The following STXBP5L variants were observed in gnomAD, a reference collection of about 807,000 sequenced individuals.
STXBP5L encodes syntaxin binding protein 5L.
In STXBP5L, 65 loss-of-function variants were observed where a neutral mutation model predicts 144.5. The observed-to-expected ratio is 0.45, with a 90% CI of 0.37 to 0.55. The LOEUF is 0.55. Among genes scored for constraint, STXBP5L ranks in the 20% least tolerant of loss-of-function variants. The pLI, the probability that STXBP5L is intolerant of heterozygous loss-of-function variation, is 0.00. For synonymous variants in STXBP5L, 505 were observed against 469.6 expected, an observed-to-expected ratio of 1.08 and a Z score of -0.97; for missense variants, 1,298 against 1,405.5, an observed-to-expected ratio of 0.92 and a Z score of 1.22.
At chr3:120,932,474 T>C (rs1709997211) in intron 2 of STXBP5L, among the ~76,000 whole-genome samples, 1 of 152,146 alleles carries the variant, frequency 6.6e-6, no homozygotes, top group African/African-American at 2.4e-5. Context: ...ACCCAGCAAA[T>C]CGCTTTAGTA....
At chr3:121,063,576 T>C (rs997709897) in intron 5 of STXBP5L, among the ~76,000 whole-genome samples, 4 of 152,216 alleles carry the variant, frequency 2.6e-5, no homozygotes, top group African/African-American at 9.6e-5. Flanking sequence ...TTAAGTCTGC[T>C]GAAGCTGCGC....
chr3:121,344,492 A>G (rs997453217), intron 20 of STXBP5L, among the ~76,000 whole-genome samples: 1 of 152,092 alleles, frequency 6.6e-6, no homozygotes, highest in Non-Finnish European at 1.5e-5. Flanking sequence ...TTCAGCCAAC[A>G]AAAAGATACA....
At chr3:121,210,078 C>T (rs2048497351) in intron 10 of STXBP5L, among the ~76,000 whole-genome samples, 1 of 152,144 alleles carries the variant, frequency 6.6e-6, no homozygotes, top group African/African-American at 2.4e-5. Context: ...TATTTCTCCA[C>T]ATCCTCTCCA....
At position 121,038,154 on chromosome 3, in the gene STXBP5L, T is replaced by C. The variant is rs188675339; in HGVS notation, c.288-3546T>C. Among the ~76,000 whole-genome samples, 334 of 152,026 alleles carry C rather than the reference T, an allele frequency of 2.2e-3. 2 individuals are homozygous for C. Among genetic ancestry groups the C allele is most frequent in the Middle Eastern group, 0.01 (3 of 294 alleles). ...TCTATTTTATTGATTTATCTGATCA[T>C]CTTTATTATTGTTCTCCTTTTTTCT... is the stretch of plus-strand genomic sequence containing the variant. On this transcript the variant is annotated intron_variant, in intron 3 of 26. Coordinates refer to ENST00000471454, the MANE Select transcript of STXBP5L (RefSeq NM_001308330.2).
At chr3:121,090,576 A>G (rs557486405) in intron 5 of STXBP5L, among the ~76,000 whole-genome samples, 23 of 152,242 alleles carry the variant, frequency 1.5e-4, no homozygotes, top group Non-Finnish European at 2.8e-4. Context: ...AAAGGGAATG[A>G]GTTTAGTTAA....
intron 5 of STXBP5L, among the ~76,000 whole-genome samples, chr3:121,099,928 A>G (rs1284821630): frequency 1.3e-5 from 2 of 152,316 alleles, no homozygotes; most frequent in East Asian, 3.9e-4. Flanking sequence ...ACACAAATCG[A>G]AAACAAAAAA....
chr3:121,172,597 T>C (rs1158931378), intron 9 of STXBP5L, among the ~76,000 whole-genome samples: 1 of 152,140 alleles, frequency 6.6e-6, no homozygotes. Context: ...TCATCACTGG[T>C]CATTAGAGAA....
chr3:121,161,692 T>G (rs928827627), intron 9 of STXBP5L, among the ~76,000 whole-genome samples: 1 of 152,080 alleles, frequency 6.6e-6, no homozygotes, highest in Non-Finnish European at 1.5e-5. Context: ...ATTTCAAATA[T>G]GTATTTATGG....
At position 121,264,344 on chromosome 3, in the gene STXBP5L, T is replaced by G. The variant is rs549722623; in HGVS notation, c.1958+5176T>G. On this transcript the variant is annotated intron_variant, in intron 18 of 26. Transcript: ENST00000471454. ...AGATTCTTCTCCAACTGTGAGCTTA[T>G]GAAATCAAACAAGTTATATGTTTCC... is the stretch of plus-strand genomic sequence containing the variant. Among the ~76,000 whole-genome samples the G allele has an allele frequency of 2.0e-5, 3 of 152,182 alleles. No individual in the cohort carries two copies. The East Asian group carries it at 5.8e-4, about 29-fold the overall frequency.
At position 121,057,522 on chromosome 3, in the gene STXBP5L, A is replaced by T. The variant is rs906983303; in HGVS notation, c.470+11987A>T. Among the ~76,000 whole-genome samples the T allele has an allele frequency of 3.9e-5, 6 of 152,128 alleles. No individual in the cohort carries two copies. In the East Asian group the frequency reaches 7.7e-4, roughly 20 times the overall value. On this transcript the variant is annotated intron_variant, in intron 5 of 26. Transcript: ENST00000471454. ...CTTACCCCCAGGTATCCTAATTTCCAACTCTATAGATTAATTTTGCCTGTT... is the reference window on the plus strand; with the variant it reads ...CTTACCCCCAGGTATCCTAATTTCCTACTCTATAGATTAATTTTGCCTGTT...
chr3:121,020,458 T>G lies in STXBP5L; in HGVS notation c.288-21242T>G, dbSNP rs145749882. Among the ~76,000 whole-genome samples, 720 of 152,292 alleles carry G rather than the reference T, an allele frequency of 4.7e-3. 6 individuals are homozygous for G. Among genetic ancestry groups the G allele is most frequent in the Non-Finnish European group, 5.1e-3 (348 of 68,012 alleles). ...AAAAGATAATCACCTAGACACATAG[T>G]TATCGGTTATCTAAAATCATGATGA... On this transcript the variant is annotated intron_variant, in intron 3 of 26. Transcript: ENST00000471454.
chr3:120,954,390 C>A lies in STXBP5L; in HGVS notation c.190-550C>A, dbSNP rs535103956. Among the ~76,000 whole-genome samples, 9 of 152,186 alleles carry A rather than the reference C, an allele frequency of 5.9e-5. No homozygotes were observed. In the South Asian group the frequency reaches 1.5e-3, roughly 25 times the overall value. On this transcript the variant is annotated intron_variant, in intron 2 of 26. Coordinates refer to ENST00000471454, the MANE Select transcript of STXBP5L (RefSeq NM_001308330.2). Reference sequence around the variant, plus strand: ...TATTCCTTCCCAATCAATAACTCTTCAAGACAACTACTGTTCTGATTTTAT... The same window carrying A: ...TATTCCTTCCCAATCAATAACTCTTAAAGACAACTACTGTTCTGATTTTAT...
At chr3:121,343,095 CA>C (rs1189050233) in intron 20 of STXBP5L, among the ~76,000 whole-genome samples, 3 of 152,152 alleles carry the variant, frequency 2.0e-5, no homozygotes, top group African/African-American at 7.2e-5. Flanking sequence ...CTCTGATAGC[CA>C]GTGATGGTGA....
intron 2 of STXBP5L, among the ~76,000 whole-genome samples, chr3:120,911,419 T>C (rs1708835943): frequency 6.6e-6 from 1 of 152,104 alleles, no homozygotes; most frequent in South Asian, 2.1e-4. Flanking sequence ...TTATTTAAAG[T>C]TCTGCTAGTT....
intron 5 of STXBP5L, among the ~76,000 whole-genome samples, chr3:121,045,742 G>C (rs1947475729): frequency 1.3e-5 from 2 of 152,248 alleles, no homozygotes; most frequent in South Asian, 4.1e-4. Context: ...GTGTTTATTA[G>C]CTTAAGGAGC....
In STXBP5L at chr3:121,250,707, T is replaced by C; in HGVS notation, c.1401-16T>C. On this transcript the variant is annotated splice_polypyrimidine_tract_variant and intron_variant, in intron 14 of 26. Transcript: ENST00000471454. ...TTTAGTATACTTTAATTAATGCTAA[T>C]TTATTTCTCATCTAGTCATGCAGAT... The C allele has an allele frequency of 2.5e-6, 4 of 1,600,596 alleles. No homozygotes were observed. The highest frequency in any genetic ancestry group is 3.4e-6 in the Non-Finnish European group (4 of 1,172,172).
intron 6 of STXBP5L, among the ~76,000 whole-genome samples, chr3:121,118,220 C>T (rs562463105): frequency 3.3e-5 from 5 of 151,716 alleles, no homozygotes; most frequent in Non-Finnish European, 5.9e-5. Flanking sequence ...TTACAATATA[C>T]TGGTAATATA....
chr3:121,315,059 T>C lies in STXBP5L; in HGVS notation c.2111-3416T>C, dbSNP rs1334790558. Among the ~76,000 whole-genome samples the C allele has an allele frequency of 8.5e-5, 13 of 152,270 alleles. No individual in the cohort carries two copies. The East Asian group carries it at 1.9e-3, about 23-fold the overall frequency. On this transcript the variant is annotated intron_variant, in intron 19 of 26. Transcript: ENST00000471454. The stretch of plus-strand genomic sequence containing the variant: ...GTGGGACTGTAAACTAGTTCAACCA[T>C]TGTGGAAGTCAGTGTGGTGATTCCT...
intron 19 of STXBP5L, among the ~76,000 whole-genome samples, chr3:121,285,283 A>G (rs2051192648): frequency 6.6e-6 from 1 of 152,072 alleles, no homozygotes; most frequent in Non-Finnish European, 1.5e-5. Flanking sequence ...GTTGAAAAAA[A>G]TGAAATTAGT....
Sources: allele counts gnomAD v4.1 joint callset (sites outside exome capture counted in the v4.1 genomes callset), GRCh38; gene constraint gnomAD v4.1.1; transcripts MANE v1.5; gene names NCBI Gene and HGNC (gene_info 2026-07-23, HGNC 2026-07-21).